BIRC6: variants seen among roughly 807,000 people sequenced by gnomAD.
BIRC6 encodes dual E2 ubiquitin-conjugating enzyme/E3 ubiquitin-protein ligase BIRC6.
BIRC6 carries 98 observed loss-of-function variants against 503.3 expected under a neutral mutation model. The observed-to-expected ratio is 0.19, with a 90% CI of 0.17 to 0.23. The LOEUF (loss-of-function observed/expected upper bound fraction) is 0.23, where lower values mean the gene tolerates loss of function less well. Among genes scored for constraint, BIRC6 ranks in the 10% least tolerant of loss-of-function variants. The pLI is 1.00. For missense variants in BIRC6, 5,360 were observed against 5,806.0 expected, an observed-to-expected ratio of 0.92 and a Z score of 2.50; for synonymous variants, 2,240 against 2,078.7, an observed-to-expected ratio of 1.08 and a Z score of -2.11.
At chr2:32,586,767 A>C (rs182151731) in intron 66 of BIRC6, among the ~76,000 whole-genome samples, 39 of 152,236 alleles carry the variant, frequency 2.6e-4, no homozygotes, top group African/African-American at 9.4e-4. Flanking sequence ...GTTGCTAAGT[A>C]AAATTTACTT....
chr2:32,593,919 A>C lies in BIRC6; in HGVS notation c.13360A>C (p.Lys4454Gln), dbSNP rs758911073. The change falls in exon 67 of 74, where the codon AAA (lysine) becomes CAA (glutamine). Residue 4454 changes from lysine to glutamine, a missense_variant. Around this residue, in one of 16 missense-constraint regions of BIRC6, gnomAD observed 477 missense variants for 574.4 expected, o/e 0.83. Coordinates refer to ENST00000421745, the MANE Select transcript of BIRC6 (RefSeq NM_016252.4). ...TTCCATATTAAAAAAATTCAGATCT[A>C]AAAGGGAAAATGTTAAAACAGGAGT... ...VDTYTNRLRS[K>Q]RENVKTGVKP... The C allele has an allele frequency of 1.9e-6, 3 of 1,608,590 alleles. No homozygotes were observed. In the South Asian group the frequency reaches 3.4e-5, roughly 18 times the overall value.
chr2:32,509,840 T>G lies in BIRC6; in HGVS notation c.10083T>G (p.Thr3361=). 1 of 1,614,014 alleles carries G rather than the reference T, an allele frequency of 6.2e-7. No individual in the cohort carries two copies. The highest frequency in any genetic ancestry group is 1.1e-5 in the South Asian group (1 of 91,082). The change falls in exon 52 of 74, where the codon ACT becomes ACG. Residue 3361 remains threonine, a synonymous_variant. Transcript: ENST00000421745. ...CACCTACTGCTAATCTGCTGCAGACTTGTGCGGCCTTATTGATGTCACCTT... is the reference window on the plus strand; with the variant it reads ...CACCTACTGCTAATCTGCTGCAGACGTGTGCGGCCTTATTGATGTCACCTT... ...AAAPTANLLQ[T]CAALLMSPYC... is the part of the protein sequence containing the mutation.
At chr2:32,577,855 A>C (rs955678929) in intron 66 of BIRC6, among the ~76,000 whole-genome samples, 2 of 152,160 alleles carry the variant, frequency 1.3e-5, no homozygotes, top group African/African-American at 4.8e-5. Flanking sequence ...ATTCCATTTA[A>C]ATTCTTTTAT....
intron 71 of BIRC6, among the ~76,000 whole-genome samples, chr2:32,603,750 G>A (rs979692956): frequency 2.0e-5 from 3 of 151,720 alleles, no homozygotes; most frequent in Non-Finnish European, 2.9e-5. Context: ...AAATAAAAAC[G>A]AAAGGGACAG....
intron 52 of BIRC6, 150 bp from the exon 53 acceptor site, chr2:32,510,376 G>T (rs1299915858): frequency 3.2e-6 from 2 of 619,582 alleles, no homozygotes; most frequent in Non-Finnish European, 2.8e-6. Flanking sequence ...ACTGCACCCA[G>T]CCTAGTTTCA....
chr2:32,569,296 A>G (rs1241723567), intron 65 of BIRC6, among the ~76,000 whole-genome samples: 1 of 151,684 alleles, frequency 6.6e-6, no homozygotes, highest in African/African-American at 2.4e-5. Flanking sequence ...GCCTGTAGTT[A>G]TTCTTATAGA....
At chr2:32,582,437 C>T (rs892482455) in intron 66 of BIRC6, among the ~76,000 whole-genome samples, 1 of 152,128 alleles carries the variant, frequency 6.6e-6, no homozygotes, top group Non-Finnish European at 1.5e-5. Context: ...AGCCATATCA[C>T]TGAACTTTCT....
At position 32,415,160 on chromosome 2, in the gene BIRC6, A is replaced by G. The variant is rs1558661330; in HGVS notation, c.1869A>G (p.Val623=). ...CTNSELNSPL[V]RRTLPVLLLY... ...ATTCAGAACTAAATTCTCCTCTGGT[A>G]AGGAGGACTTTACCGGTTTTGCTTC... The change falls in exon 10 of 74, where the codon GTA becomes GTG. Residue 623 remains valine, a synonymous_variant. Transcript: ENST00000421745. 1 of 1,614,008 alleles carries G rather than the reference A, an allele frequency of 6.2e-7. No homozygotes were observed. The highest frequency in any genetic ancestry group is 8.5e-7 in the Non-Finnish European group (1 of 1,179,886).
Position 32,476,098 on chromosome 2 carries a change from A to G in BIRC6, c.6721-115A>G, listed in dbSNP as rs2049732778. On this transcript the variant is annotated intron_variant, in intron 33 of 73. Coordinates refer to ENST00000421745, the MANE Select transcript of BIRC6 (RefSeq NM_016252.4). ...ATCATCACAGTTAAAATTATACTAC[A>G]TCTTTCAAGATAATGTGCATTCCAT... is the stretch of plus-strand genomic sequence containing the variant. 1.5e-5 allele frequency: 11 copies of G among 748,356 alleles called. No homozygotes were observed. In the East Asian group the frequency reaches 3.2e-4, roughly 22 times the overall value. 46.4% of individuals were successfully genotyped at this position (748,356 alleles called of 1,614,324 possible).
chr2:32,399,458 T>G (rs2040359784), intron 6 of BIRC6, among the ~76,000 whole-genome samples: 1 of 152,192 alleles, frequency 6.6e-6, no homozygotes, highest in African/African-American at 2.4e-5. Context: ...ACAGGTGTGA[T>G]CATAGCTTAC....
chr2:32,583,666 G>A (rs545152175), intron 66 of BIRC6, among the ~76,000 whole-genome samples: 116 of 152,182 alleles, frequency 7.6e-4, no homozygotes, highest in African/African-American at 2.6e-3. Flanking sequence ...TGTGACATTT[G>A]GTACATTAGT....
chr2:32,604,993 C>G (rs1242857277), intron 71 of BIRC6, among the ~76,000 whole-genome samples: 1 of 150,634 alleles, frequency 6.6e-6, no homozygotes, highest in African/African-American at 2.4e-5. Flanking sequence ...AGCTGTGTTT[C>G]CACCTTAGCC....
chr2:32,481,398 T>A lies in BIRC6; in HGVS notation c.7487T>A (p.Ile2496Asn). 1 of 1,612,494 alleles carries A rather than the reference T, an allele frequency of 6.2e-7. No individual in the cohort carries two copies. The highest frequency in any genetic ancestry group is 8.5e-7 in the Non-Finnish European group (1 of 1,179,068). The change falls in exon 38 of 74, where the codon ATT becomes AAT. Residue 2496 changes from isoleucine to asparagine, a missense_variant. By Grantham distance (149) the Ile-to-Asn change is moderately radical. Transcript: ENST00000421745. ...ELLQDLMEVD[I>N]DPLDIDLEKD... ...CTTCAGGATCTAATGGAAGTTGACA[T>A]TGATCCTTTAGATATTGATTTGGAA...
chr2:32,441,525 CACAT>C, intron 17 of BIRC6, 63 bp downstream of exon 17: 1 of 1,379,370 alleles, frequency 7.2e-7, no homozygotes, highest in East Asian at 2.4e-5. Context: ...TAACACCACA[CACAT>C]ACACACACAA....
intron 64 of BIRC6, 130 bp from the exon 65 acceptor site, chr2:32,549,181 TTA>T: frequency 1.7e-6 from 1 of 581,546 alleles, no homozygotes; most frequent in Non-Finnish European, 2.7e-6. Flanking sequence ...AATAATTATT[TTA>T]AAACATAGTA....
intron 42 of BIRC6, among the ~76,000 whole-genome samples, chr2:32,489,139 T>C (rs2051370975): frequency 6.6e-6 from 1 of 152,082 alleles, no homozygotes; most frequent in African/African-American, 2.4e-5. Context: ...TGGCAAAATA[T>C]GAGTATGGGA....
At chr2:32,480,249 A>G (rs1211073520) in intron 37 of BIRC6, among the ~76,000 whole-genome samples, 3 of 152,150 alleles carry the variant, frequency 2.0e-5, no homozygotes, top group Admixed American at 1.3e-4. Flanking sequence ...TTTCTCTAAG[A>G]GGCTTTTTCT....
At chr2:32,434,704 G>T (rs1346015696) in intron 13 of BIRC6, among the ~76,000 whole-genome samples, 1 of 151,906 alleles carries the variant, frequency 6.6e-6, no homozygotes, top group Non-Finnish European at 1.5e-5. Flanking sequence ...AAAAAAATTA[G>T]CTGGGTGTAG....
rs2056109233 is a variant in BIRC6 at position 32,524,769 on chromosome 2, T to A, written c.11624-119T>A. On this transcript the variant is annotated intron_variant, in intron 57 of 73. Transcript: ENST00000421745. ...CTCATGCCATTTCTCCTAAATTCCT[T>A]TATATTGCCTTAGTATTAAGGATAA... The A allele has an allele frequency of 4.3e-6, 3 of 699,318 alleles. No homozygotes were observed. In the South Asian group the frequency reaches 1.1e-4, roughly 25 times the overall value. The allele number at this position is 699,318 out of a possible 1,614,324, so 43.3% of individuals were successfully genotyped here. A position where few individuals can be genotyped will look rare whatever the true frequency, so the allele number is the denominator to read the frequency against.
Sources: gnomAD v4.1 joint callset for allele counts (sites outside exome capture counted in the v4.1 genomes callset) on GRCh38, gnomAD v4.1.1 for gene constraint, gnomAD v4.1.1 regional missense constraint, MANE v1.5 for transcripts, NCBI Gene and HGNC (gene_info 2026-07-23, HGNC 2026-07-21) for gene names.